The following CCDC91 variants were observed in gnomAD, a reference collection of about 807,000 sequenced individuals.
CCDC91 encodes coiled-coil domain containing 91.
CCDC91 carries 48 observed loss-of-function variants against 63.2 expected under a neutral mutation model. That is an observed-to-expected ratio of 0.76 (90% CI 0.60 to 0.97). The LOEUF is 0.97. Among genes scored for constraint, CCDC91 ranks in the 50% least tolerant of loss-of-function variants. The pLI is 0.00. For missense variants in CCDC91, 500 were observed against 494.6 expected (o/e 1.01, Z -0.10); for synonymous variants, 167 against 165.8 (o/e 1.01, Z -0.06).
chr12:28,455,500 C>G (rs1950014920), intron 11 of CCDC91, among the ~76,000 whole-genome samples: 1 of 151,926 alleles, frequency 6.6e-6, no homozygotes, highest in African/African-American at 2.4e-5. Context: ...AATTAATGTC[C>G]TTGTTACTTC....
chr12:28,270,592 T>G (rs1947697472), intron 3 of CCDC91, among the ~76,000 whole-genome samples: 1 of 152,162 alleles, frequency 6.6e-6, no homozygotes. Flanking sequence ...AAGGAAACAT[T>G]TGCTGATAGA....
chr12:28,214,268 A>G (rs1278081930), intron 1 of CCDC91, among the ~76,000 whole-genome samples: 1 of 152,106 alleles, frequency 6.6e-6, no homozygotes, highest in Non-Finnish European at 1.5e-5. Flanking sequence ...TTAACTACCA[A>G]TGAGAAATTA....
chr12:28,329,277 T>A (rs1941288781), intron 6 of CCDC91, among the ~76,000 whole-genome samples: 1 of 152,170 alleles, frequency 6.6e-6, no homozygotes. Context: ...TTTGGTTGAC[T>A]TTCCGTCGTT....
intron 12 of CCDC91, among the ~76,000 whole-genome samples, chr12:28,520,087 C>T (rs1940449884): frequency 6.6e-6 from 1 of 152,078 alleles, no homozygotes; most frequent in Non-Finnish European, 1.5e-5. Context: ...GGTATATGCC[C>T]AGTAATGGGA....
chr12:28,371,217 G>A (rs1375535457), intron 7 of CCDC91, among the ~76,000 whole-genome samples: 1 of 152,120 alleles, frequency 6.6e-6, no homozygotes, highest in East Asian at 1.9e-4. Flanking sequence ...GAACTGGGCT[G>A]CACAGCAGGA....
chr12:28,322,836 A>G (rs2137466152), intron 6 of CCDC91, among the ~76,000 whole-genome samples: 1 of 151,846 alleles, frequency 6.6e-6, no homozygotes. Context: ...CTGTTTTACC[A>G]TATCCTTGCC....
At chr12:28,392,231 C>T (rs536201518) in intron 8 of CCDC91, among the ~76,000 whole-genome samples, 1 of 152,090 alleles carries the variant, frequency 6.6e-6, no homozygotes, top group South Asian at 2.1e-4. Flanking sequence ...TACCAGGCTG[C>T]CAGAGATATG....
intron 8 of CCDC91, among the ~76,000 whole-genome samples, chr12:28,402,652 T>C (rs1946711052): frequency 6.6e-6 from 1 of 151,976 alleles, no homozygotes; most frequent in Non-Finnish European, 1.5e-5. Flanking sequence ...TTTTTTGTAT[T>C]ACTGCATTAG....
rs562678756 is a variant in CCDC91 at position 28,353,403 on chromosome 12, C to G, written c.577-9035C>G. On this transcript the variant is annotated intron_variant, in intron 6 of 12. Coordinates refer to ENST00000536442, the MANE Select transcript of CCDC91 (RefSeq NM_018318.5). ...AAAAACTTGTCCTTTGCATTCATTCCCATCTTGGCTGTTGACCTGAGAGCC... is the reference window on the plus strand; with the variant it reads ...AAAAACTTGTCCTTTGCATTCATTCGCATCTTGGCTGTTGACCTGAGAGCC... Among the ~76,000 whole-genome samples the G allele has an allele frequency of 2.0e-5, 3 of 152,132 alleles. No homozygotes were observed. The South Asian group carries it at 6.2e-4, about 31-fold the overall frequency.
intron 12 of CCDC91, among the ~76,000 whole-genome samples, chr12:28,484,441 A>G (rs1592811549): frequency 6.6e-6 from 1 of 152,288 alleles, no homozygotes; most frequent in East Asian, 1.9e-4. Flanking sequence ...TACAAAGATA[A>G]TAGACAGTTC....
chr12:28,304,409 A>G (rs1458105508), intron 3 of CCDC91, among the ~76,000 whole-genome samples: 1 of 141,050 alleles, frequency 7.1e-6, no homozygotes, highest in East Asian at 2.0e-4. Context: ...AAAGAAAAAA[A>G]AAAAAAGAAA....
intron 8 of CCDC91, 55 bp downstream of exon 8, chr12:28,391,466 C>A: frequency 9.7e-7 from 1 of 1,034,882 alleles, no homozygotes; most frequent in Admixed American, 1.8e-5. Flanking sequence ...ACTCTCTCCC[C>A]TGAGAGCTCT....
At chr12:28,326,538 T>C (rs1232766522) in intron 6 of CCDC91, among the ~76,000 whole-genome samples, 1 of 143,078 alleles carries the variant, frequency 7.0e-6, no homozygotes, top group African/African-American at 2.6e-5. Flanking sequence ...CTCCCAATGC[T>C]ATCCCTCCCC....
chr12:28,339,056 G>A (rs1208599632), intron 6 of CCDC91, among the ~76,000 whole-genome samples: 3 of 152,084 alleles, frequency 2.0e-5, no homozygotes, highest in Admixed American at 6.6e-5. Context: ...GGCCAGGCTG[G>A]TCTGGAACCC....
intron 8 of CCDC91, among the ~76,000 whole-genome samples, chr12:28,396,285 T>C (rs1946281233): frequency 6.6e-6 from 1 of 152,116 alleles, no homozygotes; most frequent in Non-Finnish European, 1.5e-5. Flanking sequence ...GGGTGCTAAA[T>C]GAAAAATGAC....
At chr12:28,542,094 A>C (rs1942669443) in intron 12 of CCDC91, among the ~76,000 whole-genome samples, 1 of 152,116 alleles carries the variant, frequency 6.6e-6, no homozygotes, top group African/African-American at 2.4e-5. Flanking sequence ...TTTCAAATTC[A>C]TTAAACTTTA....
intron 1 of CCDC91, among the ~76,000 whole-genome samples, chr12:28,191,986 A>G (rs1169991163): frequency 6.6e-6 from 1 of 152,220 alleles, no homozygotes; most frequent in Non-Finnish European, 1.5e-5. Context: ...TGGAATAAAC[A>G]TAAAGAAAAC....
At chr12:28,524,414 C>A (rs1941061772) in intron 12 of CCDC91, among the ~76,000 whole-genome samples, 2 of 152,058 alleles carry the variant, frequency 1.3e-5, no homozygotes, top group Non-Finnish European at 2.9e-5. Context: ...TATTGACTTG[C>A]ATATGTTAAA....
intron 12 of CCDC91, among the ~76,000 whole-genome samples, chr12:28,496,943 C>CATAT (rs140551640): frequency 3.0e-4 from 42 of 138,096 alleles, no homozygotes; most frequent in African/African-American, 8.4e-4. Context: ...TATATATATA[C>CATAT]ATATATATAT....
Sources: allele counts gnomAD v4.1 joint callset (sites outside exome capture counted in the v4.1 genomes callset), GRCh38; gene constraint gnomAD v4.1.1; transcripts MANE v1.5; gene names NCBI Gene and HGNC (gene_info 2026-07-23, HGNC 2026-07-21).